LRRC4C: variants seen among roughly 807,000 people sequenced by gnomAD.
LRRC4C encodes leucine rich repeat containing 4C.
A neutral mutation model predicts 33.6 loss-of-function variants in LRRC4C; 5 were observed. That is an observed-to-expected ratio of 0.15 (90% CI 0.08 to 0.31). The LOEUF (loss-of-function observed/expected upper bound fraction) is 0.31. Among genes scored for constraint, LRRC4C ranks in the 10% least tolerant of loss-of-function variants. The pLI, the probability that LRRC4C is intolerant of heterozygous loss-of-function variation, is 1.00. For synonymous variants in LRRC4C, 329 were observed against 302.0 expected, an observed-to-expected ratio of 1.09 and a Z score of -0.93; for missense variants, 560 against 796.7, an observed-to-expected ratio of 0.70 and a Z score of 3.58.
intron 5 of LRRC4C, among the ~76,000 whole-genome samples, chr11:40,142,589 G>T (rs546080351): frequency 3.1e-4 from 47 of 152,146 alleles, no homozygotes; most frequent in African/African-American, 1.1e-3. Flanking sequence ...AACACCTTTT[G>T]CACTTGGCTC....
At chr11:40,398,042 A>C (rs959679112) in intron 3 of LRRC4C, among the ~76,000 whole-genome samples, 3 of 152,012 alleles carry the variant, frequency 2.0e-5, no homozygotes, top group African/African-American at 7.2e-5. Context: ...TTATAATAGG[A>C]AAAGATAATT....
At chr11:41,341,775 T>G (rs542122379) in intron 1 of LRRC4C, among the ~76,000 whole-genome samples, 1 of 152,332 alleles carries the variant, frequency 6.6e-6, no homozygotes, top group Admixed American at 6.5e-5. Context: ...TAGTTTCAGG[T>G]AAACCATGCC....
chr11:40,713,014 G>C (rs1275327541), intron 2 of LRRC4C, among the ~76,000 whole-genome samples: 1 of 151,244 alleles, frequency 6.6e-6, no homozygotes, highest in African/African-American at 2.4e-5. Context: ...TCAGTCTCCG[G>C]AGTAGCTGGG....
At chr11:41,331,858 G>A (rs569445855) in intron 1 of LRRC4C, among the ~76,000 whole-genome samples, 1 of 152,106 alleles carries the variant, frequency 6.6e-6, no homozygotes, top group East Asian at 1.9e-4. Flanking sequence ...TACCACACGT[G>A]CTGATGGAAC....
chr11:40,854,216 A>G (rs1374454725), intron 2 of LRRC4C, among the ~76,000 whole-genome samples: 1 of 152,142 alleles, frequency 6.6e-6, no homozygotes, highest in Non-Finnish European at 1.5e-5. Flanking sequence ...GTTTAACCTC[A>G]GTTTATTGAC....
chr11:40,666,184 T>G (rs575850793), intron 2 of LRRC4C, among the ~76,000 whole-genome samples: 2 of 152,136 alleles, frequency 1.3e-5, no homozygotes, highest in African/African-American at 2.4e-5. Context: ...CAAATCACTA[T>G]GCAAAATTTC....
At chr11:40,661,065 T>C (rs187647178) in intron 2 of LRRC4C, among the ~76,000 whole-genome samples, 66 of 152,268 alleles carry the variant, frequency 4.3e-4, no homozygotes, top group Non-Finnish European at 6.6e-4. Flanking sequence ...GACATAAACA[T>C]ACAATAACGA....
intron 3 of LRRC4C, among the ~76,000 whole-genome samples, chr11:40,469,107 A>C (rs939661051): frequency 1.3e-5 from 2 of 152,206 alleles, no homozygotes; most frequent in African/African-American, 4.8e-5. Flanking sequence ...CTGAATAGGA[A>C]CAGCTCTGGT....
intron 1 of LRRC4C, among the ~76,000 whole-genome samples, chr11:41,443,629 T>C (rs958400421): frequency 8.7e-5 from 13 of 149,714 alleles, no homozygotes; most frequent in African/African-American, 2.9e-4. Context: ...TCTTCTCCTT[T>C]TTTTCTTCTG....
At chr11:41,184,007 G>C (rs1945573576) in intron 1 of LRRC4C, among the ~76,000 whole-genome samples, 1 of 152,150 alleles carries the variant, frequency 6.6e-6, no homozygotes, top group Admixed American at 6.5e-5. Context: ...GCCCCTTTTA[G>C]CCATGGCTGG....
chr11:40,632,775 G>A (rs1963578949), intron 3 of LRRC4C, among the ~76,000 whole-genome samples: 1 of 152,146 alleles, frequency 6.6e-6, no homozygotes, highest in Admixed American at 6.6e-5. Context: ...CACTTAGTGA[G>A]TATGTGCTTG....
intron 1 of LRRC4C, among the ~76,000 whole-genome samples, chr11:41,315,142 G>GA (rs995560684): frequency 3.3e-5 from 5 of 151,954 alleles, no homozygotes; most frequent in South Asian, 2.1e-4. Flanking sequence ...GTTCAGTCAT[G>GA]AAAAAAAATG....
chr11:41,243,277 C>A (rs555064421), intron 1 of LRRC4C, among the ~76,000 whole-genome samples: 1 of 152,294 alleles, frequency 6.6e-6, no homozygotes, highest in African/African-American at 2.4e-5. Context: ...CATTTTACTT[C>A]TTTTAACAGT....
intron 1 of LRRC4C, among the ~76,000 whole-genome samples, chr11:41,179,662 C>A (rs1010802712): frequency 2.0e-5 from 3 of 152,176 alleles, no homozygotes; most frequent in African/African-American, 7.2e-5. Flanking sequence ...TATGAGTTCT[C>A]ACTAAGATAG....
chr11:41,091,345 A>T (rs1940403412), intron 1 of LRRC4C, among the ~76,000 whole-genome samples: 1 of 152,050 alleles, frequency 6.6e-6, no homozygotes, highest in East Asian at 1.9e-4. Context: ...AAAAATAAGA[A>T]GAATCACCTT....
chr11:40,118,319 G>T (rs900413641), intron 6 of LRRC4C, among the ~76,000 whole-genome samples: 2 of 151,418 alleles, frequency 1.3e-5, no homozygotes, highest in Non-Finnish European at 2.9e-5. Flanking sequence ...AATGTGGGAG[G>T]TATTGTTCTA....
chr11:40,756,516 G>C (rs1405809193), intron 2 of LRRC4C, among the ~76,000 whole-genome samples: 2 of 152,126 alleles, frequency 1.3e-5, no homozygotes, highest in Non-Finnish European at 2.9e-5. Flanking sequence ...CTATATCCAA[G>C]TACACTGCCT....
intron 1 of LRRC4C, among the ~76,000 whole-genome samples, chr11:40,977,199 G>C (rs1487730117): frequency 6.6e-6 from 1 of 152,096 alleles, no homozygotes; most frequent in Admixed American, 6.5e-5. Context: ...TCGATAGACT[G>C]TAAATATAGA....
At chr11:40,406,899 A>C (rs926727272) in intron 3 of LRRC4C, among the ~76,000 whole-genome samples, 1 of 152,112 alleles carries the variant, frequency 6.6e-6, no homozygotes, top group Non-Finnish European at 1.5e-5. Context: ...CCCCAGTAAG[A>C]TGAAGAAAAT....
Sources: allele counts gnomAD v4.1 joint callset (sites outside exome capture counted in the v4.1 genomes callset), GRCh38; gene constraint gnomAD v4.1.1; transcripts MANE v1.5; gene names NCBI Gene and HGNC (gene_info 2026-07-23, HGNC 2026-07-21).